The following MYO10 variants were observed in gnomAD, a reference collection of about 807,000 sequenced individuals.
The protein encoded by MYO10 is myosin X.
In MYO10, 133 loss-of-function variants were observed where a neutral mutation model predicts 257.3. The ratio of observed to expected loss-of-function variants is 0.52; its 90% CI spans 0.45 to 0.60. MYO10 has a LOEUF of 0.60. Among genes scored for constraint, MYO10 ranks in the 20% least tolerant of loss-of-function variants. The probability of loss-of-function intolerance (pLI) is 0.00; values close to 1 mark genes in which losing one functional copy is unlikely to be tolerated. For missense variants in MYO10, 2,399 were observed against 2,635.7 expected (o/e 0.91, Z 1.97); for synonymous variants, 1,104 against 1,028.6 (o/e 1.07, Z -1.40).
intron 4 of MYO10, among the ~76,000 whole-genome samples, chr5:16,785,928 G>A (rs1741566605): frequency 6.6e-6 from 1 of 151,922 alleles, no homozygotes. Flanking sequence ...CAGTAACAAG[G>A]GGACCAAGTG....
rs56792705 is a variant in MYO10 at position 16,858,441 on chromosome 5, T to TAAAAAAA, written c.120+19161_120+19167dup. On this transcript the variant is annotated intron_variant, in intron 2 of 40. Transcript: ENST00000513610. The stretch of plus-strand genomic sequence containing the variant: ...TCAAAAAAGCTAGATGCTACTTTTG[T>TAAAAAAA]AAAAAAAAAAAAAAAAATCGAGGTT... Among the ~76,000 whole-genome samples the TAAAAAAA allele has an allele frequency of 1.0e-3, 138 of 135,334 alleles. 1 individual carries two copies. Among genetic ancestry groups the TAAAAAAA allele is most frequent in the Middle Eastern group, 3.8e-3 (1 of 260 alleles). The allele number at this position is 135,334 out of a possible 152,430, so 88.8% of individuals were successfully genotyped here.
intron 3 of MYO10, among the ~76,000 whole-genome samples, chr5:16,810,654 C>CGTG (rs1240097708): frequency 1.3e-5 from 2 of 152,082 alleles, no homozygotes; most frequent in Admixed American, 1.3e-4. Context: ...ATTAGCCAGG[C>CGTG]GTGGTGGTGC....
Position 16,829,823 on chromosome 5 carries a change from G to A in MYO10, c.121-11656C>T, listed in dbSNP as rs561386682. ...TGATACCCAGGCCCTGAGCACTCTT[G>A]GTAACTTAAGAGGAAAAAGTTAAAT... On this transcript the variant is annotated intron_variant, in intron 2 of 40. Coordinates refer to ENST00000513610, the MANE Select transcript of MYO10 (RefSeq NM_012334.3). Among the ~76,000 whole-genome samples, 85 of 152,066 alleles carry A rather than the reference G, an allele frequency of 5.6e-4. 1 individual carries two copies. Among genetic ancestry groups the A allele is most frequent in the African/African-American group, 1.9e-3 (78 of 41,474 alleles).
intron 28 of MYO10, among the ~76,000 whole-genome samples, chr5:16,686,727 A>G (rs1400792337): frequency 1.3e-5 from 2 of 151,972 alleles, no homozygotes; most frequent in African/African-American, 2.4e-5. Flanking sequence ...GGGTTTCACT[A>G]TGTTGGCCAG....
chr5:16,912,802 GCACACACACACACACACACA>G (rs70943817), intron 1 of MYO10, among the ~76,000 whole-genome samples: 2,558 of 111,646 alleles, frequency 0.023, 41 homozygotes, highest in Middle Eastern at 0.055. Context: ...CTACCACCCT[GCACACACACACACACACACA>G]CACACACACA....
intron 19 of MYO10, among the ~76,000 whole-genome samples, chr5:16,739,208 A>AG (rs1739925261): frequency 6.6e-6 from 1 of 151,018 alleles, no homozygotes; most frequent in African/African-American, 2.4e-5. Context: ...AAAAAAAAAA[A>AG]GCATAAAACC....
intron 2 of MYO10, among the ~76,000 whole-genome samples, chr5:16,842,889 G>A (rs528811356): frequency 3.1e-4 from 45 of 145,234 alleles, no homozygotes; most frequent in African/African-American, 9.2e-4. Flanking sequence ...GTGAGACCCC[G>A]TCTCTACTAA....
At chr5:16,725,699 C>T (rs1739336634) in intron 19 of MYO10, among the ~76,000 whole-genome samples, 1 of 152,008 alleles carries the variant, frequency 6.6e-6, no homozygotes, top group Non-Finnish European at 1.5e-5. Context: ...CATTAATTAG[C>T]ATTTTCATTA....
intron 10 of MYO10, 110 bp downstream of exon 10, chr5:16,768,963 AC>A: frequency 2.2e-6 from 3 of 1,343,078 alleles, no homozygotes; most frequent in Non-Finnish European, 2.9e-6. Flanking sequence ...GGCAAGAGCC[AC>A]CGCACCTGGC....
intron 4 of MYO10, among the ~76,000 whole-genome samples, chr5:16,784,642 T>C (rs1046833068): frequency 6.6e-6 from 1 of 152,158 alleles, no homozygotes; most frequent in African/African-American, 2.4e-5. Flanking sequence ...AGCACAGCCA[T>C]ACAAACGCCA....
intron 5 of MYO10, 79 bp from the exon 6 acceptor site, chr5:16,781,908 A>C: frequency 3.3e-6 from 5 of 1,509,980 alleles, no homozygotes; most frequent in Non-Finnish European, 4.5e-6. Context: ...CACAAATGTC[A>C]AAATATACAA....
chr5:16,797,463 G>A (rs907049469), intron 3 of MYO10, among the ~76,000 whole-genome samples: 2 of 152,068 alleles, frequency 1.3e-5, no homozygotes, highest in East Asian at 1.9e-4. Flanking sequence ...ATGACCCAGC[G>A]ATTCCACTCC....
chr5:16,851,792 C>T (rs1340946118), intron 2 of MYO10, among the ~76,000 whole-genome samples: 1 of 152,094 alleles, frequency 6.6e-6, no homozygotes, highest in Non-Finnish European at 1.5e-5. Context: ...GTGGCTCATG[C>T]CTGTAATCCC....
At chr5:16,713,924 G>A (rs936869003) in intron 19 of MYO10, among the ~76,000 whole-genome samples, 6 of 152,184 alleles carry the variant, frequency 3.9e-5, no homozygotes, top group Non-Finnish European at 7.3e-5. Context: ...GTACCGACAG[G>A]GAAGTCTCGA....
chr5:16,757,432 C>T (rs1053360055), intron 18 of MYO10, among the ~76,000 whole-genome samples: 5 of 151,636 alleles, frequency 3.3e-5, no homozygotes, highest in Non-Finnish European at 5.9e-5. Context: ...AGATTAAGAG[C>T]CTAGGACAAG....
At position 16,663,663 on chromosome 5, in the gene MYO10, G is replaced by A. The variant is rs1736055642; in HGVS notation, c.*3029C>T. 6.6e-6 allele frequency: 1 copy of A among 152,110 alleles called. No homozygotes were observed. Among genetic ancestry groups the A allele is most frequent in the African/African-American group, 2.4e-5 (1 of 41,366 alleles). 9.4% of individuals were successfully genotyped at this position (152,110 alleles called of 1,614,324 possible). ...TGAGGCTGCAATGAGCTGTGACTGT[G>A]CCTCTGCACTGTAGCCTGGTGACAG... On this transcript the variant is annotated 3_prime_UTR_variant, in exon 41 of 41. Transcript: ENST00000513610.
chr5:16,674,822 C>T, intron 35 of MYO10, 31 bp downstream of exon 35: 2 of 1,611,928 alleles, frequency 1.2e-6, no homozygotes, highest in Non-Finnish European at 1.7e-6. Context: ...GCAGCTCTGC[C>T]CAGCTCATCT....
At chr5:16,849,103 G>A (rs1206971226) in intron 2 of MYO10, among the ~76,000 whole-genome samples, 1 of 152,160 alleles carries the variant, frequency 6.6e-6, no homozygotes, top group African/African-American at 2.4e-5. Flanking sequence ...CTACAGGTAT[G>A]AGCCACGGCG....
rs143778662 is a variant in MYO10 at position 16,690,069 on chromosome 5, A to G, written c.3801-150T>C. The G allele has an allele frequency of 9.3e-4, 593 of 637,208 alleles. 3 individuals are homozygous for G. The East Asian group carries it at 0.016, about 17-fold the overall frequency. 39.5% of individuals were successfully genotyped at this position (637,208 alleles called of 1,614,324 possible). A position where few individuals can be genotyped will look rare whatever the true frequency, so the allele number is the denominator to read the frequency against. ...GTTGGCTCTCCATATCTGCGAGTTC[A>G]GGATTTGTGGGTTCTGCACCTGTGG... On this transcript the variant is annotated intron_variant, in intron 27 of 40. Coordinates refer to ENST00000513610, the MANE Select transcript of MYO10 (RefSeq NM_012334.3).
Sources: gnomAD v4.1 joint callset for allele counts (sites outside exome capture counted in the v4.1 genomes callset) on GRCh38, gnomAD v4.1.1 for gene constraint, MANE v1.5 for transcripts, NCBI Gene and HGNC (gene_info 2026-07-23, HGNC 2026-07-21) for gene names.